CASK: variants seen among roughly 807,000 people sequenced by gnomAD.
CASK encodes the protein peripheral plasma membrane protein CASK.
Under a neutral mutation model 82.9 loss-of-function variants are expected in CASK, and 4 were observed. The observed-to-expected ratio is 0.05, with a 90% confidence interval of 0.02 to 0.11. The LOEUF (loss-of-function observed/expected upper bound fraction) is 0.11, where lower values mean the gene tolerates loss of function less well. Ranked by LOEUF, CASK falls within the 10% of genes least tolerant of loss-of-function variation. The probability of loss-of-function intolerance (pLI) is 1.00; values close to 1 mark genes in which losing one functional copy is unlikely to be tolerated. For missense variants in CASK, 358 were observed against 720.9 expected (o/e 0.50, Z 5.76); for synonymous variants, 259 against 253.5 (o/e 1.02, Z -0.20).
intron 3 of CASK, among the ~76,000 whole-genome samples, chrX:41,770,313 T>TACCTACCTATCC (rs1242733681): frequency 3.1e-5 from 3 of 95,935 alleles, no homozygotes; most frequent in Non-Finnish European, 4.2e-5. Flanking sequence ...CCTACCTACC[T>TACCTACCTATCC]ATCCATCCAT....
chrX:41,624,398 TC>T (rs779629146), intron 10 of CASK: 1 of 260,953 alleles, frequency 3.8e-6, no homozygotes. Flanking sequence ...CAGTCTCTTC[TC>T]TAAGATTCCC....
chrX:41,634,069 T>A (rs1372605865), intron 9 of CASK, among the ~76,000 whole-genome samples: 2 of 112,279 alleles, frequency 1.8e-5, no homozygotes, highest in Non-Finnish European at 3.8e-5. Context: ...GCCACAAAAG[T>A]AATTTTCTAC....
rs148990744 is a variant in CASK, at chrX:41,801,447, C to T, written c.173-14164G>A. Among the ~76,000 whole-genome samples, 605 of 112,138 alleles carry T rather than the reference C, an allele frequency of 5.4e-3. 5 individuals carry two copies. Among genetic ancestry groups the T allele is most frequent in the African/African-American group, 0.019 (571 of 30,863 alleles). On this transcript the variant is annotated intron_variant, in intron 2 of 26. Transcript: ENST00000378163. The stretch of plus-strand genomic sequence containing the variant: ...TGTCCCAGCCTCCTCCAGCTCCCTA[C>T]CATTCATTTTCACTCTCAATAAATT...
rs150661428 is a variant in CASK, at chrX:41,914,144, T to C, written c.59+8786A>G. 2.9e-3 allele frequency among the ~76,000 whole-genome samples: 322 copies of C among 112,189 alleles called. 2 individuals are homozygous for C. Among genetic ancestry groups the C allele is most frequent in the African/African-American group, 0.01 (312 of 30,891 alleles). ...TAATACAGTGTACTTCTATCCTAGA[T>C]TTAAATATACCAAAATACTCTAACT... On this transcript the variant is annotated intron_variant, in intron 1 of 26. Coordinates refer to ENST00000378163, the MANE Select transcript of CASK (RefSeq NM_001367721.1).
chrX:41,707,292 C>A (rs1187130664), intron 5 of CASK, among the ~76,000 whole-genome samples: 5 of 112,065 alleles, frequency 4.5e-5, no homozygotes, highest in Admixed American at 9.5e-5. Context: ...TGTAAAGAAG[C>A]CCAGGATGAA....
chrX:41,753,796 G>A (rs1011817334), intron 3 of CASK, among the ~76,000 whole-genome samples: 2 of 111,731 alleles, frequency 1.8e-5, no homozygotes, highest in African/African-American at 3.3e-5. Context: ...AGAGGTGGAA[G>A]GCTTGATTGA....
At chrX:41,523,818 G>T in intron 26 of CASK, 133 bp downstream of exon 26, 1 of 555,681 alleles carries the variant, frequency 1.8e-6, no homozygotes, top group Non-Finnish European at 3.1e-6. Flanking sequence ...ACTGTCCCAT[G>T]TAGCATTCTA....
At chrX:41,734,620 A>G (rs944437870) in intron 5 of CASK, among the ~76,000 whole-genome samples, 4 of 112,300 alleles carry the variant, frequency 3.6e-5, no homozygotes, top group East Asian at 2.8e-4. Context: ...CTTGAGAATT[A>G]TAACAGTCTA....
chrX:41,724,162 G>A (rs1220568756), intron 5 of CASK: 1 of 112,460 alleles, frequency 8.9e-6, no homozygotes, highest in Non-Finnish European at 1.9e-5. Context: ...TGTAGTTGGT[G>A]TCATGCAAGA....
intron 6 of CASK, 97 bp downstream of exon 6, chrX:41,671,331 G>A (rs888088641): frequency 5.4e-6 from 3 of 555,059 alleles, no homozygotes; most frequent in Non-Finnish European, 9.7e-6. Context: ...AATGAGGTAT[G>A]AAACACTGAG....
intron 19 of CASK, among the ~76,000 whole-genome samples, chrX:41,556,555 A>G (rs1310648781): frequency 2.7e-5 from 3 of 112,139 alleles, no homozygotes; most frequent in African/African-American, 9.7e-5. Flanking sequence ...ACGTACCACA[A>G]TAACAGAGGG....
intron 16 of CASK, among the ~76,000 whole-genome samples, chrX:41,568,595 A>T (rs1284911112): frequency 8.9e-6 from 1 of 112,067 alleles, no homozygotes; most frequent in Admixed American, 9.5e-5. Flanking sequence ...TTTTTGGAAC[A>T]TCCTCTAAAT....
intron 5 of CASK, among the ~76,000 whole-genome samples, chrX:41,701,506 C>T (rs2067791853): frequency 8.9e-6 from 1 of 111,944 alleles, no homozygotes; most frequent in African/African-American, 3.2e-5. Context: ...ATTTGAAACT[C>T]GGAATATAAT....
intron 14 of CASK, 23 bp downstream of exon 14, chrX:41,586,884 A>G: frequency 1.0e-6 from 1 of 998,359 alleles, no homozygotes; most frequent in Non-Finnish European, 1.4e-6. Flanking sequence ...TTTCAGTTCT[A>G]TGGAAGTTTA....
At chrX:41,788,176 A>G (rs192278764) in intron 2 of CASK, among the ~76,000 whole-genome samples, 2 of 109,625 alleles carry the variant, frequency 1.8e-5, no homozygotes, top group Admixed American at 2.0e-4. Context: ...AAAAAAAAAA[A>G]AAAGTGTTGG....
At chrX:41,762,533 A>T (rs958026996) in intron 3 of CASK, among the ~76,000 whole-genome samples, 2 of 111,723 alleles carry the variant, frequency 1.8e-5, no homozygotes, top group African/African-American at 6.5e-5. Flanking sequence ...CAAACCTTAC[A>T]TCTATCTGAG....
At position 41,860,288 on chromosome X, in the gene CASK, C is replaced by T. The variant is rs368724101; in HGVS notation, c.60-7061G>A. On this transcript the variant is annotated intron_variant, in intron 1 of 26. Coordinates refer to ENST00000378163, the MANE Select transcript of CASK (RefSeq NM_001367721.1). ...CCTACTACTTTTTATACAGTTCTGA[C>T]GTTAAGAATTGAGGGACATAGATGG... Among the ~76,000 whole-genome samples, 43 of 110,511 alleles carry T rather than the reference C, an allele frequency of 3.9e-4. No homozygotes were observed. The East Asian group carries it at 3.9e-3, about 10-fold the overall frequency.
At chrX:41,850,737 C>A (rs2071247296) in intron 2 of CASK, among the ~76,000 whole-genome samples, 1 of 111,146 alleles carries the variant, frequency 9.0e-6, no homozygotes, top group African/African-American at 3.3e-5. Flanking sequence ...TGTAAATGGA[C>A]CAGAAGAGCA....
chrX:41,848,764 CT>C (rs1225513933), intron 2 of CASK, among the ~76,000 whole-genome samples: 1 of 111,808 alleles, frequency 8.9e-6, no homozygotes, highest in Non-Finnish European at 1.9e-5. Flanking sequence ...CCTTTGATGG[CT>C]GTCAAGTTGC....
Sources: gnomAD v4.1 joint callset for allele counts (sites outside exome capture counted in the v4.1 genomes callset) on GRCh38, gnomAD v4.1.1 for gene constraint, MANE v1.5 for transcripts, NCBI Gene and HGNC (gene_info 2026-07-23, HGNC 2026-07-21) for gene names.